RBFOX1: variants seen among roughly 807,000 people sequenced by gnomAD.
RBFOX1 encodes RNA binding protein fox-1 homolog 1.
Under a neutral mutation model 57.7 loss-of-function variants are expected in RBFOX1, and 8 were observed. The observed-to-expected ratio is 0.14, with a 90% confidence interval of 0.08 to 0.25. The LOEUF is 0.25. RBFOX1 is among the 10% of genes least tolerant of loss of function. The probability of loss-of-function intolerance (pLI) is 1.00; values close to 1 mark genes in which losing one functional copy is unlikely to be tolerated. For missense variants in RBFOX1, 611 were observed against 548.5 expected (o/e 1.11, Z -1.14); for synonymous variants, 326 against 222.4 (o/e 1.47, Z -4.15).
At chr16:6,104,746 A>C (rs1490995351) in intron 1 of RBFOX1, among the ~76,000 whole-genome samples, 2 of 152,236 alleles carry the variant, frequency 1.3e-5, no homozygotes, top group African/African-American at 4.8e-5. Flanking sequence ...AGATAAAACA[A>C]AAAAACAGAA....
intron 4 of RBFOX1, among the ~76,000 whole-genome samples, chr16:6,003,118 A>G (rs2152331071): frequency 6.6e-6 from 1 of 151,926 alleles, no homozygotes; most frequent in Middle Eastern, 3.4e-3. Context: ...TCTCTACTAA[A>G]AATACAAAAA....
At chr16:5,707,792 C>T (rs1426209321) in intron 3 of RBFOX1, among the ~76,000 whole-genome samples, 1 of 152,168 alleles carries the variant, frequency 6.6e-6, no homozygotes, top group African/African-American at 2.4e-5. Flanking sequence ...TGGTGGAATA[C>T]TTGCTGCTAA....
At chr16:5,962,079 C>T (rs987258943) in intron 4 of RBFOX1, among the ~76,000 whole-genome samples, 12 of 152,122 alleles carry the variant, frequency 7.9e-5, no homozygotes, top group East Asian at 3.9e-4. Flanking sequence ...ATCCAGCCAT[C>T]GCTTACATGT....
chr16:5,478,415 C>T (rs757280179), intron 2 of RBFOX1, among the ~76,000 whole-genome samples: 119 of 152,162 alleles, frequency 7.8e-4, no homozygotes, highest in Middle Eastern at 3.4e-3. Flanking sequence ...GGAATCAGAG[C>T]TGCAGCATTA....
At chr16:6,475,944 T>C (rs116841183) in intron 2 of RBFOX1, among the ~76,000 whole-genome samples, 1 of 152,204 alleles carries the variant, frequency 6.6e-6, no homozygotes, top group Non-Finnish European at 1.5e-5. Context: ...ACGTCTTTTT[T>C]TCCCCCTATG....
At chr16:7,400,186 A>C (rs1441573259) in intron 4 of RBFOX1, among the ~76,000 whole-genome samples, 2 of 152,118 alleles carry the variant, frequency 1.3e-5, no homozygotes, top group Non-Finnish European at 2.9e-5. Context: ...GAAGTTCTCA[A>C]ATTTTGTCAT....
chr16:6,941,398 C>A (rs1208271660), intron 3 of RBFOX1, among the ~76,000 whole-genome samples: 1 of 147,774 alleles, frequency 6.8e-6, no homozygotes, highest in East Asian at 2.0e-4. Flanking sequence ...TGTGGAAACT[C>A]AGTTTTCTCA....
At chr16:7,456,961 G>C (rs1402889039) in intron 4 of RBFOX1, among the ~76,000 whole-genome samples, 1 of 151,976 alleles carries the variant, frequency 6.6e-6, no homozygotes, top group Admixed American at 6.6e-5. Context: ...CGCGATCCCG[G>C]CTCACTGCAA....
intron 1 of RBFOX1, among the ~76,000 whole-genome samples, chr16:6,233,425 C>T (rs549065632): frequency 6.6e-6 from 1 of 152,220 alleles, no homozygotes; most frequent in Non-Finnish European, 1.5e-5. Flanking sequence ...TCGTCCCCAC[C>T]TCCACACCGC....
chr16:7,514,767 C>T (rs188208742), intron 4 of RBFOX1, among the ~76,000 whole-genome samples: 1 of 152,130 alleles, frequency 6.6e-6, no homozygotes, highest in Non-Finnish European at 1.5e-5. Flanking sequence ...AAGGCATGAC[C>T]CTTCTCTCTT....
chr16:5,996,137 G>A (rs7199679), intron 4 of RBFOX1, among the ~76,000 whole-genome samples: 110,792 of 152,064 alleles, frequency 0.73, 40,922 homozygotes, highest in East Asian at 0.85. Flanking sequence ...CTTTGGTGTT[G>A]GGATTTCACC....
chr16:5,920,428 G>C (rs893067030), intron 4 of RBFOX1, among the ~76,000 whole-genome samples: 1 of 152,192 alleles, frequency 6.6e-6, no homozygotes, highest in East Asian at 1.9e-4. Context: ...ACAAGGGTCT[G>C]TTTGGGGACC....
At chr16:7,584,460 T>C (rs923020332) in intron 6 of RBFOX1, among the ~76,000 whole-genome samples, 1 of 152,200 alleles carries the variant, frequency 6.6e-6, no homozygotes, top group East Asian at 1.9e-4. Context: ...GACTGGGTAA[T>C]TTTTACATTT....
At chr16:7,212,776 A>G (rs1265273098) in intron 4 of RBFOX1, among the ~76,000 whole-genome samples, 3 of 152,244 alleles carry the variant, frequency 2.0e-5, no homozygotes, top group Non-Finnish European at 2.9e-5. Context: ...ACCATGGCAC[A>G]TGTATACCTA....
At chr16:6,248,730 G>A (rs536874750) in intron 1 of RBFOX1, among the ~76,000 whole-genome samples, 3 of 152,172 alleles carry the variant, frequency 2.0e-5, no homozygotes, top group African/African-American at 7.2e-5. Flanking sequence ...TTGGGCTTCC[G>A]AGATTCAAAT....
chr16:7,611,601 T>G (rs1392521118), intron 10 of RBFOX1, among the ~76,000 whole-genome samples: 2 of 148,326 alleles, frequency 1.3e-5, no homozygotes, highest in Non-Finnish European at 1.5e-5. Flanking sequence ...AAAAGGCAAG[T>G]TATTGATTTT....
intron 5 of RBFOX1, among the ~76,000 whole-genome samples, chr16:7,531,129 C>A (rs1038385808): frequency 6.6e-6 from 1 of 152,092 alleles, no homozygotes; most frequent in African/African-American, 2.4e-5. Flanking sequence ...AGGCAATTTT[C>A]TTGTAAAAAT....
At chr16:7,571,405 A>G (rs1416035301) in intron 5 of RBFOX1, among the ~76,000 whole-genome samples, 1 of 152,144 alleles carries the variant, frequency 6.6e-6, no homozygotes, top group African/African-American at 2.4e-5. Flanking sequence ...GGATTGGTCG[A>G]TATCAAAATC....
chr16:6,572,037 G>A (rs544630739), intron 2 of RBFOX1, among the ~76,000 whole-genome samples: 53 of 151,990 alleles, frequency 3.5e-4, no homozygotes, highest in African/African-American at 1.2e-3. Flanking sequence ...ATACAGTTTT[G>A]TCCTAATATA....
Sources: gnomAD v4.1 joint callset for allele counts (sites outside exome capture counted in the v4.1 genomes callset) on GRCh38, gnomAD v4.1.1 for gene constraint, MANE v1.5 for transcripts, NCBI Gene and HGNC (gene_info 2026-07-23, HGNC 2026-07-21) for gene names.